Variants in LRP1B observed in about 807,000 individuals in gnomAD.
LRP1B encodes low-density lipoprotein receptor-related protein 1B.
In LRP1B, 217 loss-of-function variants were observed where a neutral mutation model predicts 556.6. That is an observed-to-expected ratio of 0.39 (90% CI 0.35 to 0.44). LRP1B has a LOEUF of 0.44. LRP1B is among the 20% of genes least tolerant of loss of function. The pLI, the probability that LRP1B is intolerant of heterozygous loss-of-function variation, is 1.00. For synonymous variants in LRP1B, 2,047 were observed against 1,865.8 expected, an observed-to-expected ratio of 1.10 and a Z score of -2.50; for missense variants, 5,053 against 5,620.8, an observed-to-expected ratio of 0.90 and a Z score of 3.23.
Position 141,272,330 on chromosome 2 carries a change from T to C in LRP1B, c.344-17689A>G, listed in dbSNP as rs118134634. Among the ~76,000 whole-genome samples, 1,414 of 151,912 alleles carry C rather than the reference T, an allele frequency of 9.3e-3. 15 individuals carry two copies. The highest frequency in any genetic ancestry group is 0.039 in the East Asian group (200 of 5,172). ...AGAAAACAACTCAAACCTAATGAAA[T>C]AAACTATTAAAATAATTGAAATATT... On this transcript the variant is annotated intron_variant, in intron 3 of 90. Transcript: ENST00000389484.
rs534937790 is a variant in LRP1B at position 140,346,533 on chromosome 2, A to C, written c.11892+4264T>G. ...AGCTTTAGATTTTTTCCACAATCAT[A>C]ATAAATGATTGTAGTTGTTGACTGG... On this transcript the variant is annotated intron_variant, in intron 77 of 90. Coordinates refer to ENST00000389484, the MANE Select transcript of LRP1B (RefSeq NM_018557.3). 6.6e-5 allele frequency among the ~76,000 whole-genome samples: 10 copies of C among 152,060 alleles called. No homozygotes were observed. The South Asian group carries it at 2.1e-3, about 32-fold the overall frequency.
intron 1 of LRP1B, among the ~76,000 whole-genome samples, chr2:141,917,179 T>C (rs2104965037): frequency 6.6e-6 from 1 of 152,314 alleles, no homozygotes; most frequent in East Asian, 1.9e-4. Context: ...TATTATATAA[T>C]GATAATTTGC....
At chr2:140,763,882 T>C (rs767722063) in intron 35 of LRP1B, among the ~76,000 whole-genome samples, 58 of 152,260 alleles carry the variant, frequency 3.8e-4, no homozygotes, top group African/African-American at 1.3e-3. Flanking sequence ...AAAAAATATA[T>C]TATTGAAGAA....
At chr2:141,384,373 T>C (rs1223527694) in intron 3 of LRP1B, among the ~76,000 whole-genome samples, 1 of 152,184 alleles carries the variant, frequency 6.6e-6, no homozygotes, top group Non-Finnish European at 1.5e-5. Flanking sequence ...ATTTTTAGTT[T>C]ATGAGTCTTC....
chr2:141,349,234 A>G (rs535068147), intron 3 of LRP1B, among the ~76,000 whole-genome samples: 1 of 152,222 alleles, frequency 6.6e-6, no homozygotes, highest in South Asian at 2.1e-4. Flanking sequence ...TGGCCACATC[A>G]TCATCTTTTA....
At chr2:141,688,492 G>T (rs1252271007) in intron 2 of LRP1B, among the ~76,000 whole-genome samples, 1 of 151,876 alleles carries the variant, frequency 6.6e-6, no homozygotes, top group African/African-American at 2.4e-5. Context: ...CAAGTAAATA[G>T]TGCTACAGAA....
intron 59 of LRP1B, among the ~76,000 whole-genome samples, chr2:140,485,132 T>C (rs1558914825): frequency 6.6e-6 from 1 of 152,168 alleles, no homozygotes; most frequent in African/African-American, 2.4e-5. Flanking sequence ...TTTAAAACTT[T>C]AAAAAAATAG....
At chr2:141,346,601 G>T (rs145973489) in intron 3 of LRP1B, among the ~76,000 whole-genome samples, 1 of 152,086 alleles carries the variant, frequency 6.6e-6, no homozygotes, top group Non-Finnish European at 1.5e-5. Context: ...TACCCTGAAC[G>T]AAACCTGTTT....
At chr2:140,635,381 G>A (rs1684035914) in intron 41 of LRP1B, among the ~76,000 whole-genome samples, 1 of 151,932 alleles carries the variant, frequency 6.6e-6, no homozygotes, top group Admixed American at 6.6e-5. Flanking sequence ...AGAGAAATTG[G>A]TAATGAAATT....
chr2:141,043,891 C>CAA (rs1698783047), intron 11 of LRP1B, among the ~76,000 whole-genome samples: 1 of 151,820 alleles, frequency 6.6e-6, no homozygotes, highest in South Asian at 2.1e-4. Flanking sequence ...GCTACCAACG[C>CAA]CTTTCTTCAC....
At chr2:140,779,692 C>T (rs1359453399) in intron 32 of LRP1B, among the ~76,000 whole-genome samples, 2 of 70,518 alleles carry the variant, frequency 2.8e-5, no homozygotes, top group African/African-American at 1.2e-4. Context: ...GAGACTCTGT[C>T]TCAAAAAAAA....
chr2:141,877,122 C>T (rs1448229050), intron 1 of LRP1B, among the ~76,000 whole-genome samples: 4 of 151,972 alleles, frequency 2.6e-5, no homozygotes, highest in Non-Finnish European at 5.9e-5. Flanking sequence ...AGCTTGCTCA[C>T]TATCTAACAT....
chr2:140,320,480 G>A (rs2105049150), intron 82 of LRP1B, among the ~76,000 whole-genome samples: 1 of 152,218 alleles, frequency 6.6e-6, no homozygotes, highest in South Asian at 2.1e-4. Flanking sequence ...CGTGAGGAGT[G>A]CATTCTAGCA....
intron 7 of LRP1B, among the ~76,000 whole-genome samples, chr2:141,184,628 A>G (rs551724388): frequency 6.7e-6 from 1 of 148,722 alleles, no homozygotes; most frequent in East Asian, 2.0e-4. Flanking sequence ...AGGGTTTTCC[A>G]TTACTTCAGA....
chr2:142,061,456 A>G (rs758714752), intron 1 of LRP1B, among the ~76,000 whole-genome samples: 1 of 152,032 alleles, frequency 6.6e-6, no homozygotes, highest in Non-Finnish European at 1.5e-5. Flanking sequence ...ACAATAAAGT[A>G]TTATGCCTAC....
intron 31 of LRP1B, among the ~76,000 whole-genome samples, chr2:140,837,834 CCTAATG>C (rs1438804509): frequency 6.6e-6 from 1 of 152,038 alleles, no homozygotes; most frequent in Non-Finnish European, 1.5e-5. Flanking sequence ...TGGAGATATA[CCTAATG>C]CTAAATGATG....
Position 140,397,114 on chromosome 2 carries a change from G to A in LRP1B, c.10415-11105C>T, listed in dbSNP as rs186586684. 7.9e-5 allele frequency among the ~76,000 whole-genome samples: 12 copies of A among 152,172 alleles called. No homozygotes were observed. In the East Asian group the frequency reaches 2.3e-3, roughly 29 times the overall value. On this transcript the variant is annotated intron_variant, in intron 66 of 90. Transcript: ENST00000389484. ...TCTAGAGTGTTTTAAACAAAAATAT[G>A]CTTGATTTTATTATCTGTTTTTATT...
chr2:140,401,582 G>T (rs981168405), intron 66 of LRP1B, among the ~76,000 whole-genome samples: 7 of 152,130 alleles, frequency 4.6e-5, no homozygotes, highest in African/African-American at 1.7e-4. Flanking sequence ...ATCTCCACCT[G>T]CCCTGGTAGC....
intron 31 of LRP1B, among the ~76,000 whole-genome samples, chr2:140,826,604 T>C (rs1164328377): frequency 6.6e-6 from 1 of 152,148 alleles, no homozygotes; most frequent in Non-Finnish European, 1.5e-5. Flanking sequence ...AATGGGCCTT[T>C]CGATTCATAA....
Sources: gnomAD v4.1 joint callset for allele counts (sites outside exome capture counted in the v4.1 genomes callset) on GRCh38, gnomAD v4.1.1 for gene constraint, MANE v1.5 for transcripts, NCBI Gene and HGNC (gene_info 2026-07-23, HGNC 2026-07-21) for gene names.